ZBTB7C: variants seen among roughly 807,000 people sequenced by gnomAD.
ZBTB7C encodes zinc finger and BTB domain-containing protein 7C.
ZBTB7C carries 8 observed loss-of-function variants against 25.7 expected under a neutral mutation model. That is an observed-to-expected ratio of 0.31 (90% confidence interval 0.18 to 0.56). The LOEUF is 0.56. ZBTB7C is among the 20% of genes least tolerant of loss of function. The pLI is 0.91. For missense variants in ZBTB7C, 824 were observed against 855.2 expected (o/e 0.96, Z 0.46); for synonymous variants, 394 against 369.0 (o/e 1.07, Z -0.78).
chr18:48,043,529 A>G (rs138658483), intron 3 of ZBTB7C, among the ~76,000 whole-genome samples: 1 of 152,210 alleles, frequency 6.6e-6, no homozygotes, highest in Admixed American at 6.5e-5. Context: ...CATTCTTGAG[A>G]TGATAAAGTT....
chr18:48,161,991 T>C (rs2041070406), intron 3 of ZBTB7C, among the ~76,000 whole-genome samples: 1 of 139,388 alleles, frequency 7.2e-6, no homozygotes, highest in South Asian at 2.1e-4. Flanking sequence ...GGTTACCCGG[T>C]TACCGCCTGA....
At chr18:48,283,080 T>C (rs994762331) in intron 2 of ZBTB7C, among the ~76,000 whole-genome samples, 3 of 152,202 alleles carry the variant, frequency 2.0e-5, no homozygotes, top group African/African-American at 7.2e-5. Context: ...TTTCTTACAT[T>C]GGGGAATGCA....
chr18:48,134,112 A>G (rs1598942544), intron 3 of ZBTB7C, among the ~76,000 whole-genome samples: 1 of 135,410 alleles, frequency 7.4e-6, no homozygotes, highest in Non-Finnish European at 1.6e-5. Flanking sequence ...TTTTTTTTTT[A>G]AGAAAAGGAA....
intron 1 of ZBTB7C, among the ~76,000 whole-genome samples, chr18:48,385,684 C>G (rs548791423): frequency 6.6e-6 from 1 of 152,356 alleles, no homozygotes; most frequent in South Asian, 2.1e-4. Context: ...CTGAAGCACA[C>G]AAAAGGCCCC....
intron 2 of ZBTB7C, among the ~76,000 whole-genome samples, chr18:48,324,331 C>G (rs1303355872): frequency 6.6e-6 from 1 of 152,086 alleles, no homozygotes; most frequent in East Asian, 1.9e-4. Context: ...AGTGTGCACA[C>G]CACCCTAAGA....
intron 1 of ZBTB7C, among the ~76,000 whole-genome samples, chr18:48,360,545 T>C (rs2047080948): frequency 2.0e-5 from 3 of 152,146 alleles, no homozygotes; most frequent in African/African-American, 7.2e-5. Flanking sequence ...GGGCTTTGAA[T>C]TGGACTTGAC....
chr18:48,089,198 GTGGC>G (rs2038311460), intron 3 of ZBTB7C, among the ~76,000 whole-genome samples: 1 of 152,190 alleles, frequency 6.6e-6, no homozygotes, highest in Non-Finnish European at 1.5e-5. Flanking sequence ...GCCGGGTGCA[GTGGC>G]TCACGCCTGT....
chr18:48,381,257 G>T (rs1432093141), intron 1 of ZBTB7C, among the ~76,000 whole-genome samples: 1 of 152,200 alleles, frequency 6.6e-6, no homozygotes, highest in African/African-American at 2.4e-5. Context: ...GAGAATCAAA[G>T]AATCCCAGGT....
intron 2 of ZBTB7C, among the ~76,000 whole-genome samples, chr18:48,245,103 T>TATATATATATATATAC (rs756081367): frequency 3.5e-5 from 5 of 144,582 alleles, no homozygotes; most frequent in East Asian, 2.0e-4. Flanking sequence ...TATATATATA[T>TATATATATATATATAC]ACACACACAC....
chr18:48,097,941 C>T lies in ZBTB7C; in HGVS notation c.-16-56818G>A, dbSNP rs556144943. 2.6e-5 allele frequency among the ~76,000 whole-genome samples: 4 copies of T among 152,166 alleles called. No individual in the cohort carries two copies. In the East Asian group the frequency reaches 7.7e-4, roughly 29 times the overall value. ...ATACAATACCTGTGTTACCACCCAG[C>T]CTCTCTCAGCAGGCATCACTAATCA... is the stretch of plus-strand genomic sequence containing the variant. On this transcript the variant is annotated intron_variant, in intron 3 of 4. Coordinates refer to ENST00000590800, the MANE Select transcript of ZBTB7C (RefSeq NM_001318841.2).
chr18:48,341,433 G>A (rs538063818), intron 1 of ZBTB7C, among the ~76,000 whole-genome samples: 1 of 152,352 alleles, frequency 6.6e-6, no homozygotes, highest in South Asian at 2.1e-4. Flanking sequence ...TGAATTTAGT[G>A]AGGAAGCCAC....
At chr18:48,209,270 G>C (rs893764429) in intron 2 of ZBTB7C, among the ~76,000 whole-genome samples, 2 of 152,188 alleles carry the variant, frequency 1.3e-5, no homozygotes, top group Non-Finnish European at 2.9e-5. Flanking sequence ...GCTGGCATCT[G>C]GGAACTTCCA....
chr18:48,386,424 C>CA (rs374937546), intron 1 of ZBTB7C, among the ~76,000 whole-genome samples: 1 of 152,074 alleles, frequency 6.6e-6, no homozygotes, highest in Non-Finnish European at 1.5e-5. Context: ...AAGTACAGTG[C>CA]TTACCCTAGA....
At chr18:48,375,457 T>G (rs1343056366) in intron 1 of ZBTB7C, 2 of 152,206 alleles carry the variant, frequency 1.3e-5, no homozygotes, top group African/African-American at 2.4e-5. Context: ...GGGAAGCTGG[T>G]GGGTGGAAGA....
At chr18:48,202,079 G>A (rs1434178746) in intron 2 of ZBTB7C, among the ~76,000 whole-genome samples, 1 of 152,236 alleles carries the variant, frequency 6.6e-6, no homozygotes, top group Middle Eastern at 3.2e-3. Context: ...GCTGAGTGTT[G>A]GAGCAGGGAC....
intron 3 of ZBTB7C, among the ~76,000 whole-genome samples, chr18:48,097,382 G>GTTGTTGTTATTATTATTA (rs10651143): frequency 9.0e-4 from 131 of 144,972 alleles, no homozygotes; most frequent in East Asian, 3.3e-3. Context: ...TATTGTTGTT[G>GTTGTTGTTATTATTATTA]TTATTATTAT....
At chr18:48,336,376 C>A (rs983518191) in intron 2 of ZBTB7C, among the ~76,000 whole-genome samples, 2 of 152,218 alleles carry the variant, frequency 1.3e-5, no homozygotes, top group Non-Finnish European at 2.9e-5. Context: ...GCTACATGTA[C>A]CGATCACTTA....
chr18:48,405,955 T>G (rs1202663214), intron 1 of ZBTB7C, among the ~76,000 whole-genome samples: 1 of 151,100 alleles, frequency 6.6e-6, no homozygotes, highest in East Asian at 2.0e-4. Flanking sequence ...GCACACAGGC[T>G]GGGGTTCACT....
At chr18:48,370,726 TCA>T (rs1199790271) in intron 1 of ZBTB7C, among the ~76,000 whole-genome samples, 1 of 151,974 alleles carries the variant, frequency 6.6e-6, no homozygotes, top group Non-Finnish European at 1.5e-5. Context: ...ACATACAAAC[TCA>T]CACACACACT....
Sources: allele counts gnomAD v4.1 joint callset (sites outside exome capture counted in the v4.1 genomes callset), GRCh38; gene constraint gnomAD v4.1.1; transcripts MANE v1.5; gene names NCBI Gene and HGNC (gene_info 2026-07-23, HGNC 2026-07-21).